The following PDE11A variants were observed in gnomAD, a reference collection of about 807,000 sequenced individuals.
PDE11A encodes the protein phosphodiesterase 11A.
Under a neutral mutation model 100.5 loss-of-function variants are expected in PDE11A, and 100 were observed. The ratio of observed to expected loss-of-function variants is 1.00; its 90% confidence interval spans 0.85 to 1.18. The LOEUF (loss-of-function observed/expected upper bound fraction) is 1.18, where lower values mean the gene tolerates loss of function less well. Ranked by LOEUF, PDE11A falls within the 50% of genes most tolerant of loss-of-function variation. PDE11A has a pLI of 0.00. For missense variants in PDE11A, 1,141 were observed against 1,152.6 expected, an observed-to-expected ratio of 0.99 and a Z score of 0.15; for synonymous variants, 381 against 420.8, an observed-to-expected ratio of 0.91 and a Z score of 1.16.
intron 10 of PDE11A, among the ~76,000 whole-genome samples, chr2:177,734,186 A>G (rs1339223286): frequency 6.6e-6 from 1 of 152,050 alleles, no homozygotes; most frequent in Non-Finnish European, 1.5e-5. Flanking sequence ...CTTTACCTAT[A>G]TAAAACTCCT....
intron 2 of PDE11A, among the ~76,000 whole-genome samples, chr2:177,997,122 C>T (rs1364097851): frequency 5.3e-5 from 8 of 152,172 alleles, no homozygotes; most frequent in East Asian, 1.9e-4. Context: ...GGGACACCCC[C>T]GGAAATCCAA....
At chr2:177,857,304 C>G (rs184548921) in intron 5 of PDE11A, among the ~76,000 whole-genome samples, 29 of 151,930 alleles carry the variant, frequency 1.9e-4, no homozygotes, top group Non-Finnish European at 3.7e-4. Flanking sequence ...AAAAGAAAAG[C>G]CTTCAGGCTG....
At chr2:177,997,549 T>C (rs1195182989) in intron 2 of PDE11A, 2 of 844,892 alleles carry the variant, frequency 2.4e-6, no homozygotes, top group African/African-American at 1.7e-5. Flanking sequence ...TGTTCTCTTC[T>C]GTTTTCTGTT....
intron 5 of PDE11A, among the ~76,000 whole-genome samples, chr2:177,871,392 G>A (rs539201872): frequency 2.8e-4 from 42 of 152,186 alleles, no homozygotes; most frequent in African/African-American, 1.0e-3. Flanking sequence ...CACAGCACTG[G>A]TGAGGAGTGC....
intron 5 of PDE11A, among the ~76,000 whole-genome samples, chr2:177,871,380 G>T (rs2084127911): frequency 6.6e-6 from 1 of 151,998 alleles, no homozygotes; most frequent in Non-Finnish European, 1.5e-5. Flanking sequence ...GGGGAGCTGT[G>T]GCACAGCACT....
intron 10 of PDE11A, among the ~76,000 whole-genome samples, chr2:177,741,085 C>T (rs970935359): frequency 2.0e-5 from 3 of 152,130 alleles, no homozygotes; most frequent in African/African-American, 7.2e-5. Context: ...TCATAGGAGG[C>T]CCTCAGAAAA....
In PDE11A at chr2:177,898,058, T is replaced by G. The variant is rs2084637341; in HGVS notation, c.1302A>C (p.Pro434=). The G allele has an allele frequency of 5.6e-6, 9 of 1,608,062 alleles. No individual in the cohort carries two copies. Among genetic ancestry groups the G allele is most frequent in the Non-Finnish European group, 7.7e-6 (9 of 1,174,420 alleles). The change falls in exon 4 of 20, where the codon CCA becomes CCC. Residue 434 remains proline, a splice_region_variant and synonymous_variant. Coordinates refer to ENST00000286063, the MANE Select transcript of PDE11A (RefSeq NM_016953.4). ...CTTTAAAAGATAAAAGATAACTTAC[T>G]GGTGATTCGATGTCCTCTAGGAGTA... ...SVLLLEDIES[P]VVKFTKSFEL...
chr2:177,815,042 T>C (rs150469288), intron 9 of PDE11A, among the ~76,000 whole-genome samples: 180 of 152,288 alleles, frequency 1.2e-3, no homozygotes, highest in African/African-American at 4.0e-3. Context: ...CATAATGAAG[T>C]AGGATTTAGA....
Position 177,992,275 on chromosome 2 carries a change from C to A in PDE11A, c.1071+22027G>T, listed in dbSNP as rs540813906. Among the ~76,000 whole-genome samples the A allele has an allele frequency of 1.8e-4, 27 of 151,392 alleles. 1 individual carries two copies. The highest frequency in any genetic ancestry group is 6.5e-4 in the African/African-American group (27 of 41,250). On this transcript the variant is annotated intron_variant, in intron 2 of 19. Transcript: ENST00000286063. ...AAAGTAATACAAGACCAAAGTTTAACAAAGTTTTCAAACAGTATATAAATT... is the reference window on the plus strand; with the variant it reads ...AAAGTAATACAAGACCAAAGTTTAAAAAAGTTTTCAAACAGTATATAAATT...
chr2:178,005,518 A>C (rs2105820808), intron 2 of PDE11A, among the ~76,000 whole-genome samples: 1 of 152,100 alleles, frequency 6.6e-6, no homozygotes, highest in East Asian at 1.9e-4. Flanking sequence ...TTGGAATTAC[A>C]TTATATACTT....
At chr2:177,824,963 C>T (rs1015834007) in intron 6 of PDE11A, among the ~76,000 whole-genome samples, 1 of 152,024 alleles carries the variant, frequency 6.6e-6, no homozygotes, top group Non-Finnish European at 1.5e-5. Flanking sequence ...AATTATTGCT[C>T]CTAGTTTGTA....
At chr2:178,086,580 A>G (rs2087358862) in intron 2 of PDE11A, among the ~76,000 whole-genome samples, 1 of 152,232 alleles carries the variant, frequency 6.6e-6, no homozygotes, top group Non-Finnish European at 1.5e-5. Flanking sequence ...TTTTCACATA[A>G]TACTATTCCA....
intron 1 of PDE11A, among the ~76,000 whole-genome samples, chr2:178,050,634 A>C (rs1434287463): frequency 6.6e-6 from 1 of 152,250 alleles, no homozygotes; most frequent in African/African-American, 2.4e-5. Flanking sequence ...ATGGCTAAAT[A>C]GAATAAACAG....
At chr2:177,877,455 G>A (rs1358339650) in intron 4 of PDE11A, among the ~76,000 whole-genome samples, 1 of 152,078 alleles carries the variant, frequency 6.6e-6, no homozygotes, top group Non-Finnish European at 1.5e-5. Flanking sequence ...ACGAGCCACC[G>A]CATCTGGCCA....
At chr2:177,917,853 C>T (rs1440970106) in intron 2 of PDE11A, among the ~76,000 whole-genome samples, 10 of 151,814 alleles carry the variant, frequency 6.6e-5, no homozygotes, top group Admixed American at 5.2e-4. Context: ...GATAATAAAC[C>T]ATACTATTTT....
intron 5 of PDE11A, among the ~76,000 whole-genome samples, chr2:177,872,482 G>C (rs982646548): frequency 3.9e-5 from 6 of 152,130 alleles, no homozygotes; most frequent in Admixed American, 2.6e-4. Context: ...AGCAGTGAAA[G>C]ACACTAAGCA....
chr2:177,653,396 C>T (rs1196848721), intron 19 of PDE11A, among the ~76,000 whole-genome samples: 1 of 152,202 alleles, frequency 6.6e-6, no homozygotes. Flanking sequence ...AACTTCTAAC[C>T]TTTCTTTCCC....
At chr2:177,708,265 A>T (rs542530530) in intron 13 of PDE11A, among the ~76,000 whole-genome samples, 31 of 152,290 alleles carry the variant, frequency 2.0e-4, no homozygotes, top group African/African-American at 7.5e-4. Context: ...AATGTGGTAT[A>T]TATACACCCT....
intron 1 of PDE11A, among the ~76,000 whole-genome samples, chr2:178,037,261 C>G (rs974714895): frequency 6.6e-6 from 1 of 151,944 alleles, no homozygotes; most frequent in African/African-American, 2.4e-5. Flanking sequence ...GGCCAACAAA[C>G]GTGAAAAAAA....
Sources: allele counts gnomAD v4.1 joint callset (sites outside exome capture counted in the v4.1 genomes callset), GRCh38; gene constraint gnomAD v4.1.1; transcripts MANE v1.5; gene names NCBI Gene and HGNC (gene_info 2026-07-23, HGNC 2026-07-21).